NRXN1: variants seen among roughly 807,000 people sequenced by gnomAD.
NRXN1 encodes the protein neurexin-1.
In NRXN1, 39 loss-of-function variants were observed where a neutral mutation model predicts 150.9. That is an observed-to-expected ratio of 0.26 (90% CI 0.20 to 0.34). The LOEUF is 0.34. NRXN1 is among the 10% of genes least tolerant of loss of function. NRXN1 has a pLI of 1.00. For missense variants in NRXN1, 1,815 were observed against 1,949.9 expected, an observed-to-expected ratio of 0.93 and a Z score of 1.30; for synonymous variants, 924 against 757.0, an observed-to-expected ratio of 1.22 and a Z score of -3.62.
Position 51,027,991 on chromosome 2 carries a change from T to C in NRXN1, c.283A>G (p.Ile95Val), listed in dbSNP as rs778259562. ...AGCGTCGCAGGCTCAGCGCAGAAGATGGAGAAGCTGAGCTGCAGGCGGCCG... is the reference window on the plus strand; with the variant it reads ...AGCGTCGCAGGCTCAGCGCAGAAGACGGAGAAGCTGAGCTGCAGGCGGCCG... ...RGGRLQLSFS[I>V]FCAEPATLLA... The change falls in exon 2 of 23, where the codon ATC becomes GTC. Residue 95 changes from isoleucine (I) to valine (V), a missense_variant. Ile to Val is a conservative substitution (Grantham distance 29, BLOSUM62 3). This residue lies in a region of NRXN1 where 554 missense variants were observed against 478.8 expected (regional missense o/e 1.16). Coordinates refer to ENST00000401669, the MANE Select transcript of NRXN1 (RefSeq NM_001330078.2). 26 of 1,600,662 alleles carry C rather than the reference T, an allele frequency of 1.6e-5. No homozygotes were observed. Among genetic ancestry groups the C allele is most frequent in the Middle Eastern group, 3.3e-4 (2 of 6,072 alleles).
At chr2:50,795,124 T>C (rs1027072513) in intron 5 of NRXN1, among the ~76,000 whole-genome samples, 9 of 152,134 alleles carry the variant, frequency 5.9e-5, no homozygotes, top group African/African-American at 2.2e-4. Flanking sequence ...CATCCTTACA[T>C]CTGGGACCTG....
At position 51,027,732 on chromosome 2, in the gene NRXN1, T is replaced by G. The variant is rs376904592; in HGVS notation, c.542A>C (p.Lys181Thr). 2 of 1,611,058 alleles carry G rather than the reference T, an allele frequency of 1.2e-6. No individual in the cohort carries two copies. Among genetic ancestry groups the G allele is most frequent in the African/African-American group, 2.7e-5 (2 of 74,834 alleles). The change falls in exon 2 of 23, where the codon AAG (lysine) becomes ACG (threonine). Residue 181 changes from lysine to threonine, a missense_variant. Physicochemically the swap from Lys to Thr is moderately conservative, Grantham distance 78 (BLOSUM62 -1). This residue lies in a region of NRXN1 where 554 missense variants were observed against 478.8 expected (regional missense o/e 1.16). Coordinates refer to ENST00000401669, the MANE Select transcript of NRXN1 (RefSeq NM_001330078.2). ...LASVREREPFKGWIRDVRVNS... is the reference protein window; with the variant it reads ...LASVREREPFTGWIRDVRVNS... The stretch of plus-strand genomic sequence containing the variant: ...GACCCTCACGTCACGAATCCACCCC[T>G]TGAAGGGCTCCCGCTCCCTCACCGA...
chr2:50,951,399 C>T (rs1014677442), intron 2 of NRXN1, among the ~76,000 whole-genome samples: 6 of 152,116 alleles, frequency 3.9e-5, no homozygotes, highest in East Asian at 1.9e-4. Context: ...TCAAATGTCC[C>T]GCCAGATACC....
intron 21 of NRXN1, among the ~76,000 whole-genome samples, chr2:49,949,117 T>G (rs1042849400): frequency 6.6e-6 from 1 of 151,970 alleles, no homozygotes; most frequent in African/African-American, 2.4e-5. Flanking sequence ...ACACCAATAT[T>G]TTGTAGGGTT....
intron 2 of NRXN1, among the ~76,000 whole-genome samples, chr2:50,978,271 C>CATAGATATATATATATATAT (rs1295670474): frequency 1.1e-5 from 1 of 95,020 alleles, no homozygotes; most frequent in African/African-American, 3.6e-5. Context: ...GGATATTATA[C>CATAGATATATATATATATAT]ATATATATAT....
At chr2:49,970,006 A>T (rs1483619451) in intron 21 of NRXN1, 1 of 152,092 alleles carries the variant, frequency 6.6e-6, no homozygotes, top group Non-Finnish European at 1.5e-5. Context: ...AGACTGCAGA[A>T]CTAATTTCTT....
At chr2:50,343,796 T>C (rs1450821838) in intron 17 of NRXN1, among the ~76,000 whole-genome samples, 1 of 152,218 alleles carries the variant, frequency 6.6e-6, no homozygotes, top group East Asian at 1.9e-4. Flanking sequence ...CCTTAAACTA[T>C]ACCATAAATG....
At chr2:50,068,031 A>G (rs553779599) in intron 19 of NRXN1, among the ~76,000 whole-genome samples, 4 of 152,294 alleles carry the variant, frequency 2.6e-5, no homozygotes, top group African/African-American at 9.6e-5. Context: ...TGTTTCATAC[A>G]CAGTCTGATG....
chr2:50,988,458 T>C (rs1698051809), intron 2 of NRXN1, among the ~76,000 whole-genome samples: 1 of 151,928 alleles, frequency 6.6e-6, no homozygotes, highest in African/African-American at 2.4e-5. Flanking sequence ...CCAATTTTGT[T>C]TGGAAAATCA....
chr2:50,392,081 C>CAG (rs1323175737), intron 17 of NRXN1, among the ~76,000 whole-genome samples: 5 of 152,140 alleles, frequency 3.3e-5, no homozygotes, highest in Non-Finnish European at 7.4e-5. Flanking sequence ...CTCTCTTGAA[C>CAG]TACTATCTGT....
intron 9 of NRXN1, among the ~76,000 whole-genome samples, chr2:50,539,169 T>C (rs776103646): frequency 3.4e-5 from 5 of 147,064 alleles, no homozygotes; most frequent in Non-Finnish European, 6.0e-5. Flanking sequence ...ACTTACATAG[T>C]TTTGTTTCCC....
In NRXN1 at chr2:50,782,417, C is replaced by T. The variant is rs1361434589; in HGVS notation, c.832+139452G>A. On this transcript the variant is annotated intron_variant, in intron 5 of 22. Coordinates refer to ENST00000401669, the MANE Select transcript of NRXN1 (RefSeq NM_001330078.2). ...CCTGGGAAAAGGGGTTGCAGTGAGCCGAGATCATGCCACTGCACTCCAGCC... is the reference window on the plus strand; with the variant it reads ...CCTGGGAAAAGGGGTTGCAGTGAGCTGAGATCATGCCACTGCACTCCAGCC... Among the ~76,000 whole-genome samples the T allele has an allele frequency of 4.6e-5, 7 of 151,824 alleles. No homozygotes were observed. The East Asian group carries it at 7.7e-4, about 17-fold the overall frequency.
intron 17 of NRXN1, among the ~76,000 whole-genome samples, chr2:50,448,416 G>A (rs72878311): frequency 0.028 from 4,324 of 152,112 alleles, 214 homozygotes; most frequent in African/African-American, 0.099. Context: ...GGAAAAAAAC[G>A]TGCAAAAAGA....
At chr2:50,098,248 C>T (rs1171124591) in intron 18 of NRXN1, among the ~76,000 whole-genome samples, 2 of 152,078 alleles carry the variant, frequency 1.3e-5, no homozygotes, top group African/African-American at 4.8e-5. Context: ...AGAATAAAAA[C>T]AGGTAAAGTC....
chr2:50,650,264 C>A (rs552622100), intron 5 of NRXN1, among the ~76,000 whole-genome samples: 1 of 152,098 alleles, frequency 6.6e-6, no homozygotes, highest in South Asian at 2.1e-4. Context: ...TTTTTACTGC[C>A]TTTATATACA....
chr2:50,253,519 T>G (rs2882687), intron 17 of NRXN1, among the ~76,000 whole-genome samples: 101,012 of 151,962 alleles, frequency 0.66, 34,729 homozygotes, highest in African/African-American at 0.84. Flanking sequence ...TCCAGCTTTT[T>G]CCCATTCTGT....
chr2:50,979,495 C>T (rs950418357), intron 2 of NRXN1, among the ~76,000 whole-genome samples: 31 of 151,994 alleles, frequency 2.0e-4, no homozygotes, highest in African/African-American at 7.5e-4. Flanking sequence ...CTTTTGATTC[C>T]CTTATCATGA....
chr2:50,815,171 C>T (rs984302550), intron 5 of NRXN1, among the ~76,000 whole-genome samples: 2 of 151,752 alleles, frequency 1.3e-5, no homozygotes, highest in Non-Finnish European at 2.9e-5. Flanking sequence ...TAATTATGTT[C>T]CTTCTCATGA....
intron 5 of NRXN1, chr2:50,919,193 C>T (rs1279226745): frequency 1.3e-5 from 2 of 151,672 alleles, no homozygotes; most frequent in African/African-American, 4.8e-5. Context: ...CCATTTTTGT[C>T]ATGTACACAT....
Sources: gnomAD v4.1 joint callset for allele counts (sites outside exome capture counted in the v4.1 genomes callset) on GRCh38, gnomAD v4.1.1 for gene constraint, gnomAD v4.1.1 regional missense constraint, MANE v1.5 for transcripts, NCBI Gene and HGNC (gene_info 2026-07-23, HGNC 2026-07-21) for gene names.